CEACAM3: variants seen among roughly 807,000 people sequenced by gnomAD.
CEACAM3 encodes the protein cell adhesion molecule CEACAM3.
In CEACAM3, 32 loss-of-function variants were observed where a neutral mutation model predicts 30.1. That is an observed-to-expected ratio of 1.06 (90% CI 0.80 to 1.43). The LOEUF is 1.43. Ranked by LOEUF, CEACAM3 falls within the 40% of genes most tolerant of loss-of-function variation. The probability of loss-of-function intolerance (pLI) is 0.00; values close to 1 mark genes in which losing one functional copy is unlikely to be tolerated. For synonymous variants in CEACAM3, 134 were observed against 127.2 expected (o/e 1.05, Z -0.36); for missense variants, 290 against 316.3 (o/e 0.92, Z 0.63).
chr19:41,805,174 C>T (rs782248534), intron 2 of CEACAM3, among the ~76,000 whole-genome samples: 3 of 151,894 alleles, frequency 2.0e-5, no homozygotes, highest in Middle Eastern at 3.2e-3. Flanking sequence ...CCAAGCTGTA[C>T]AGCAGATCTC....
At chr19:41,797,484 A>C in intron 1 of CEACAM3, 105 bp from the exon 2 acceptor site, 1 of 1,434,110 alleles carries the variant, frequency 7.0e-7, no homozygotes, top group African/African-American at 1.4e-5. Context: ...ACACACATAC[A>C]CTCTCCAAGG....
intron 2 of CEACAM3, 137 bp downstream of exon 2, chr19:41,798,085 A>T: frequency 1.4e-6 from 2 of 1,412,342 alleles, no homozygotes; most frequent in Non-Finnish European, 1.9e-6. Context: ...AGTGCAGGAC[A>T]CACACGGGGG....
chr19:41,803,462 T>TGTTG (rs2073171062), intron 2 of CEACAM3, among the ~76,000 whole-genome samples: 2 of 102,508 alleles, frequency 2.0e-5, no homozygotes, highest in African/African-American at 5.7e-5. Context: ...GTGTGTGTTG[T>TGTTG]TTTGTTTGTT....
chr19:41,807,322 C>A, intron 2 of CEACAM3: 1 of 1,607,942 alleles, frequency 6.2e-7, no homozygotes, highest in South Asian at 1.1e-5. Flanking sequence ...ACACAGGACC[C>A]TATGAGTGTG....
rs797042257 is a variant in CEACAM3, at chr19:41,803,461, G to GTTTT, written c.425-5351_425-5348dup. On this transcript the variant is annotated intron_variant, in intron 2 of 6. Coordinates refer to ENST00000357396, the MANE Select transcript of CEACAM3 (RefSeq NM_001815.5). ...GTGTGTGTGTGTGTGTGTGTGTGTT[G>GTTTT]TTTTGTTTGTTTTTTTTTTTTTTGA... Among the ~76,000 whole-genome samples the GTTTT allele has an allele frequency of 5.4e-5, 4 of 74,144 alleles. 1 individual carries two copies. In the South Asian group the frequency reaches 1.7e-3, roughly 31 times the overall value. The allele number at this position is 74,144 out of a possible 152,430, so 48.6% of individuals were successfully genotyped here. A position where few individuals can be genotyped will look rare whatever the true frequency, so the allele number is the denominator to read the frequency against.
intron 2 of CEACAM3, chr19:41,807,429 A>C: frequency 3.4e-6 from 4 of 1,185,132 alleles, no homozygotes; most frequent in East Asian, 4.2e-5. Context: ...TCCAGCCCAA[A>C]TCCACACAGC....
At position 41,809,981 on chromosome 19, in the gene CEACAM3, G is replaced by A; in HGVS notation, c.559G>A (p.Asp187Asn). ...CTTTCCTAGAACCAGCATCCAGCGT[G>A]ACCTCAAGGAGCAGCAGCCCCAAGC... Reference protein sequence around the residue: ...AKTGRTSIQRDLKEQQPQALA... With the variant: ...AKTGRTSIQRNLKEQQPQALA... The change falls in exon 4 of 7, where the codon GAC (aspartate) becomes AAC (asparagine). Residue 187 changes from aspartate (D) to asparagine (N), a missense_variant. Asp to Asn is a conservative substitution (Grantham distance 23). Transcript: ENST00000357396. The A allele has an allele frequency of 6.2e-7, 1 of 1,613,920 alleles. No individual in the cohort carries two copies.
intron 2 of CEACAM3, among the ~76,000 whole-genome samples, 165 bp from the exon 3 acceptor site, chr19:41,808,648 A>G (rs953412608): frequency 2.0e-5 from 3 of 152,218 alleles, no homozygotes; most frequent in Non-Finnish European, 2.9e-5. Flanking sequence ...AAATGGTGCC[A>G]CCATGGAAAG....
Position 41,810,347 on chromosome 19 carries a change from C to A in CEACAM3, c.620C>A (p.Ala207Asp). The change falls in exon 5 of 7, where the codon GCC becomes GAC. Residue 207 changes from alanine (A) to aspartate (D), a missense_variant. Ala to Asp is a moderately radical substitution (Grantham distance 126, BLOSUM62 -2). Coordinates refer to ENST00000357396, the MANE Select transcript of CEACAM3 (RefSeq NM_001815.5). ...APGRGPSHSS[A>D]FSMSPLSTAQ... ...GGCCGTGGTCCCTCCCACAGCTCTG[C>A]CTTCTCGGTAAGCCTGTCCCCTTCC... 6.2e-7 allele frequency: 1 copy of A among 1,604,090 alleles called. No individual in the cohort carries two copies. The highest frequency in any genetic ancestry group is 8.5e-7 in the Non-Finnish European group (1 of 1,175,880).
At chr19:41,806,321 C>A (rs899994223) in intron 2 of CEACAM3, among the ~76,000 whole-genome samples, 2 of 152,156 alleles carry the variant, frequency 1.3e-5, no homozygotes, top group African/African-American at 4.8e-5. Flanking sequence ...TGAGCCACCG[C>A]ACCCGGCCTT....
chr19:41,806,930 G>A (rs541354920), intron 2 of CEACAM3, among the ~76,000 whole-genome samples: 68 of 152,144 alleles, frequency 4.5e-4, no homozygotes, highest in Admixed American at 8.5e-4. Context: ...CTCGTGATAC[G>A]CCCGCCTCGG....
intron 2 of CEACAM3, among the ~76,000 whole-genome samples, chr19:41,808,502 A>C (rs1023876348): frequency 1.3e-5 from 2 of 152,174 alleles, no homozygotes; most frequent in African/African-American, 4.8e-5. Flanking sequence ...GTGTCATGGG[A>C]TGGAAAAGGA....
rs992037397 is a variant in CEACAM3, at chr19:41,802,503, C to G, written c.424+4555C>G. Among the ~76,000 whole-genome samples, 5 of 152,240 alleles carry G rather than the reference C, an allele frequency of 3.3e-5. No individual in the cohort carries two copies. The East Asian group carries it at 5.8e-4, about 18-fold the overall frequency. On this transcript the variant is annotated intron_variant, in intron 2 of 6. Coordinates refer to ENST00000357396, the MANE Select transcript of CEACAM3 (RefSeq NM_001815.5). ...AACCCTGCAGAACCAGCGCTGGGGT[C>G]AGAAATCTGAACTGTAACTGACAAA...
In CEACAM3 at chr19:41,810,897, G is replaced by T; in HGVS notation, c.693G>T (p.Glu231Asp). 1 of 1,613,470 alleles carries T rather than the reference G, an allele frequency of 6.2e-7. No individual in the cohort carries two copies. The highest frequency in any genetic ancestry group is 8.5e-7 in the Non-Finnish European group (1 of 1,179,658). Reference sequence around the variant, plus strand: ...CCAGGACAGCAGCTTCCATCTATGAGGTGAGTGTGGGCCACGGATGTTCTG... The same window carrying T: ...CCAGGACAGCAGCTTCCATCTATGATGTGAGTGTGGGCCACGGATGTTCTG... ...PNPRTAASIY[E>D]ELLKHDTNIY... is the part of the protein sequence containing the mutation. The change falls in exon 6 of 7, where the codon GAG (glutamate) becomes GAT (aspartate). Residue 231 changes from glutamate to aspartate, a missense_variant and splice_region_variant. By Grantham distance (45) the Glu-to-Asp change is conservative. Coordinates refer to ENST00000357396, the MANE Select transcript of CEACAM3 (RefSeq NM_001815.5).
chr19:41,803,466 G>GTTTTTTT (rs1555826261), intron 2 of CEACAM3, among the ~76,000 whole-genome samples: 3 of 125,562 alleles, frequency 2.4e-5, no homozygotes, highest in African/African-American at 8.7e-5. Flanking sequence ...GTGTTGTTTT[G>GTTTTTTT]TTTGTTTTTT....
intron 2 of CEACAM3, among the ~76,000 whole-genome samples, chr19:41,805,422 G>T (rs1555826602): frequency 6.6e-6 from 1 of 151,656 alleles, no homozygotes; most frequent in African/African-American, 2.4e-5. Flanking sequence ...TTAAGTAGCT[G>T]GGATTACAGG....
At chr19:41,810,160 C>T in intron 4 of CEACAM3, 143 bp downstream of exon 4, 1 of 1,271,574 alleles carries the variant, frequency 7.9e-7, no homozygotes, top group South Asian at 1.3e-5. Flanking sequence ...CACAGGGGAC[C>T]CCAATTGCTT....
At chr19:41,806,097 G>A (rs547849214) in intron 2 of CEACAM3, among the ~76,000 whole-genome samples, 27 of 151,924 alleles carry the variant, frequency 1.8e-4, no homozygotes, top group East Asian at 1.6e-3. Flanking sequence ...GTGTAATCTC[G>A]GCTCACTACA....
intron 2 of CEACAM3, among the ~76,000 whole-genome samples, chr19:41,805,554 G>T (rs1367383327): frequency 3.9e-5 from 6 of 152,128 alleles, no homozygotes; most frequent in African/African-American, 1.4e-4. Context: ...ATCCCAAAAG[G>T]CTGGGATTAC....
Sources: allele counts gnomAD v4.1 joint callset (sites outside exome capture counted in the v4.1 genomes callset), GRCh38; gene constraint gnomAD v4.1.1; transcripts MANE v1.5; gene names NCBI Gene and HGNC (gene_info 2026-07-23, HGNC 2026-07-21).